The following ITGAD variants were observed in gnomAD, a reference collection of about 807,000 sequenced individuals.
The protein encoded by ITGAD is integrin subunit alpha D, also known as integrin alpha-D.
ITGAD carries 105 observed loss-of-function variants against 139.0 expected under a neutral mutation model. That is an observed-to-expected ratio of 0.76 (90% CI 0.65 to 0.89). The LOEUF is 0.89. ITGAD is among the 40% of genes least tolerant of loss of function. The probability of loss-of-function intolerance (pLI) is 0.00; values close to 1 mark genes in which losing one functional copy is unlikely to be tolerated. For synonymous variants in ITGAD, 569 were observed against 598.3 expected, an observed-to-expected ratio of 0.95 and a Z score of 0.71; for missense variants, 1,384 against 1,487.3, an observed-to-expected ratio of 0.93 and a Z score of 1.14.
chr16:31,414,065 A>G (rs1003700751), intron 16 of ITGAD, among the ~76,000 whole-genome samples: 1 of 152,054 alleles, frequency 6.6e-6, no homozygotes, highest in African/African-American at 2.4e-5. Context: ...TCTGTCATCT[A>G]TCTATTATCT....
chr16:31,400,342 T>G (rs1437387998), intron 5 of ITGAD, among the ~76,000 whole-genome samples: 1 of 152,030 alleles, frequency 6.6e-6, no homozygotes, highest in East Asian at 1.9e-4. Context: ...AAGGCATTTT[T>G]TTTTTCTGCA....
At position 31,411,379 on chromosome 16, in the gene ITGAD, C is replaced by T. The variant is rs375795035; in HGVS notation, c.1569C>T (p.Ala523=). ...QGHPWGRFGA[A]LTVLGDVNED... is the part of the protein sequence containing the mutation. ...ACCCCTGGGGCCGCTTTGGGGCAGC[C>T]CTGACAGTGTTGGGGGATGTGAATG... The change falls in exon 14 of 30, where the codon GCC becomes GCT. Residue 523 remains alanine (A), a synonymous_variant. Transcript: ENST00000389202. 9.9e-6 allele frequency: 16 copies of T among 1,613,972 alleles called. No individual in the cohort carries two copies. Among genetic ancestry groups the T allele is most frequent in the South Asian group, 2.2e-5 (2 of 91,074 alleles).
Position 31,407,751 on chromosome 16 carries a change from GTC to G in ITGAD, c.859-9_859-8del, listed in dbSNP as rs760109720. On this transcript the variant is annotated splice_polypyrimidine_tract_variant and intron_variant, in intron 8 of 29. Coordinates refer to ENST00000389202, the MANE Select transcript of ITGAD (RefSeq NM_005353.3). ...GCTGCTGGGCTCATCCTCCTCGGCT[GTC>G]TCTCTGCTGCAGGTGGGACACGCTT... is the stretch of plus-strand genomic sequence containing the variant. 19 of 1,613,824 alleles carry G rather than the reference GTC, an allele frequency of 1.2e-5. 1 individual carries two copies. In the South Asian group the frequency reaches 2.0e-4, roughly 17 times the overall value.
intron 23 of ITGAD, among the ~76,000 whole-genome samples, chr16:31,419,770 T>C (rs1296791540): frequency 1.4e-5 from 2 of 139,116 alleles, no homozygotes; most frequent in Non-Finnish European, 3.0e-5. Context: ...GAGATCGCGC[T>C]GCTGCATGCC....
At chr16:31,394,896 G>A (rs77363739) in intron 2 of ITGAD, among the ~76,000 whole-genome samples, 3,640 of 152,256 alleles carry the variant, frequency 0.024, 70 homozygotes, top group Non-Finnish European at 0.038. Context: ...GTCCAGACTG[G>A]CTGAACTCCT....
chr16:31,395,191 G>A (rs928861216), intron 2 of ITGAD, among the ~76,000 whole-genome samples: 14 of 152,110 alleles, frequency 9.2e-5, no homozygotes, highest in Non-Finnish European at 1.5e-4. Flanking sequence ...ATGGTGGCAG[G>A]CATCTGTAAT....
Position 31,411,212 on chromosome 16 carries a change from G to C in ITGAD, c.1493G>C (p.Arg498Thr), listed in dbSNP as rs1388070258. The C allele has an allele frequency of 6.2e-7, 1 of 1,613,140 alleles. No homozygotes were observed. Among genetic ancestry groups the C allele is most frequent in the South Asian group, 1.1e-5 (1 of 91,008 alleles). Reference protein sequence around the residue: ...GGQVSVCPLPRGRVQWQCDAV... With the variant: ...GGQVSVCPLPTGRVQWQCDAV... ...CAGGTGTCCGTGTGTCCCTTGCCTA[G>C]GGGGGTGAGTGGCTGATGGGACCTA... Residue 498 changes from arginine to threonine, a missense_variant, in exon 13 of 30, where the codon AGG (arginine) becomes ACG (threonine). Physicochemically the swap from Arg to Thr is moderately conservative, Grantham distance 71. Coordinates refer to ENST00000389202, the MANE Select transcript of ITGAD (RefSeq NM_005353.3).
In ITGAD at chr16:31,397,475, C is replaced by T. The variant is rs777876824; in HGVS notation, c.241+13C>T. The T allele has an allele frequency of 2.5e-6, 4 of 1,585,498 alleles. 1 individual carries two copies. The South Asian group carries it at 4.6e-5, about 18-fold the overall frequency. ...ATCCCGCTGCACAGTGAGTGACCAC[C>T]TGGGAATTGGGCCCCTCAACCCTCC... is the stretch of plus-strand genomic sequence containing the variant. On this transcript the variant is annotated intron_variant, in intron 3 of 29. Transcript: ENST00000389202.
intron 16 of ITGAD, among the ~76,000 whole-genome samples, chr16:31,413,493 A>G (rs2081794490): frequency 6.6e-6 from 1 of 152,042 alleles, no homozygotes; most frequent in South Asian, 2.1e-4. Context: ...CCAGCCCCTG[A>G]TTCCCTTCCA....
At position 31,410,461 on chromosome 16, in the gene ITGAD, A is replaced by G. The variant is rs776489449; in HGVS notation, c.1150A>G (p.Asn384Asp). The G allele has an allele frequency of 1.2e-6, 2 of 1,613,806 alleles. No individual in the cohort carries two copies. Among genetic ancestry groups the G allele is most frequent in the Non-Finnish European group, 1.7e-6 (2 of 1,179,950 alleles). Residue 384 changes from asparagine to aspartate, a missense_variant, in exon 11 of 30, where the codon AAT (asparagine) becomes GAT (aspartate). Transcript: ENST00000389202. ...TGGAGGTGCCTTCCTGTATCCCCCA[A>G]ATATGAGCCCCACCTTCATCAACAT... Reference protein sequence around the residue: ...WSGGAFLYPPNMSPTFINMSQ... With the variant: ...WSGGAFLYPPDMSPTFINMSQ...
At position 31,424,170 on chromosome 16, in the gene ITGAD, G is replaced by C; in HGVS notation, c.3228G>C (p.Gln1076His). 1 of 1,614,232 alleles carries C rather than the reference G, an allele frequency of 6.2e-7. No individual in the cohort carries two copies. The highest frequency in any genetic ancestry group is 1.1e-5 in the South Asian group (1 of 91,088). The change falls in exon 28 of 30, where the codon CAG (glutamine) becomes CAC (histidine). Residue 1076 changes from glutamine to histidine, a missense_variant. Physicochemically the swap from Gln to His is conservative, Grantham distance 24. Transcript: ENST00000389202. ...CGTTCGACACATCCGTGTACTCCCA[G>C]CTTCCAGGACAGGAGGCATTTATGA... The part of the protein sequence containing the change: ...EITFDTSVYS[Q>H]LPGQEAFMRA...
In ITGAD at chr16:31,411,155, C is replaced by G. The variant is rs766254726; in HGVS notation, c.1436C>G (p.Ala479Gly). 6.2e-7 allele frequency: 1 copy of G among 1,613,946 alleles called. No homozygotes were observed. Among genetic ancestry groups the G allele is most frequent in the Non-Finnish European group, 8.5e-7 (1 of 1,179,936 alleles). Residue 479 changes from alanine (A) to glycine (G), a missense_variant, in exon 13 of 30, where the codon GCC becomes GGC. Ala to Gly is a moderately conservative substitution (Grantham distance 60, BLOSUM62 0). Transcript: ENST00000389202. The stretch of plus-strand genomic sequence containing the variant: ...AGCACCGACCTGATCCTCATTGGGG[C>G]CCCCCATTACTATGAGCAGACCCGA... ...DGSTDLILIG[A>G]PHYYEQTRGG...
intron 4 of ITGAD, 40 bp downstream of exon 4, chr16:31,397,706 C>CCGG: frequency 6.7e-5 from 20 of 299,912 alleles, no homozygotes; most frequent in Non-Finnish European, 9.4e-5. Context: ...TGGGGTGGGG[C>CCGG]GGGGGGTGTT....
rs140839965 is a variant in ITGAD at position 31,410,795 on chromosome 16, C to T, written c.1273C>T (p.Arg425Cys). The T allele has an allele frequency of 4.0e-4, 640 of 1,613,812 alleles. 5 individuals carry two copies. Among genetic ancestry groups the T allele is most frequent in the African/African-American group, 2.6e-3 (195 of 74,980 alleles). The change falls in exon 12 of 30, where the codon CGC becomes TGC. Residue 425 changes from arginine to cysteine, a missense_variant. Arg to Cys is a radical substitution (Grantham distance 180, BLOSUM62 -3). Coordinates refer to ENST00000389202, the MANE Select transcript of ITGAD (RefSeq NM_005353.3). ...ACAGAACCTGGTCCTGGGGGCCCCC[C>T]GCTACCAGCATACCGGGAAGGCTGT... ...GVQNLVLGAPRYQHTGKAVIF... is the reference protein window; with the variant it reads ...GVQNLVLGAPCYQHTGKAVIF...
chr16:31,419,628 T>C (rs2081968546), intron 23 of ITGAD, among the ~76,000 whole-genome samples: 1 of 151,908 alleles, frequency 6.6e-6, no homozygotes, highest in Non-Finnish European at 1.5e-5. Flanking sequence ...CTGGCCAACA[T>C]GGCGAAACCT....
intron 14 of ITGAD, 125 bp from the exon 15 acceptor site, chr16:31,412,713 C>A: frequency 8.5e-7 from 1 of 1,177,400 alleles, no homozygotes; most frequent in Non-Finnish European, 1.2e-6. Flanking sequence ...TTGTTGGTGA[C>A]ATCTGTTCAC....
chr16:31,415,217 C>T (rs972311394), intron 18 of ITGAD, among the ~76,000 whole-genome samples: 2 of 152,026 alleles, frequency 1.3e-5, no homozygotes, highest in Non-Finnish European at 2.9e-5. Flanking sequence ...CCCAGCCCCT[C>T]GATTCTCTCC....
At chr16:31,412,989 T>C (rs1438534411) in intron 15 of ITGAD, 21 bp downstream of exon 15, 1 of 1,601,722 alleles carries the variant, frequency 6.2e-7, no homozygotes, top group South Asian at 1.1e-5. Flanking sequence ...CCCAACATCC[T>C]GCCCTCCCGC....
Position 31,416,083 on chromosome 16 carries a change from CT to C in ITGAD, c.2284-128del, listed in dbSNP as rs374494425. 1.1e-3 allele frequency: 694 copies of C among 634,954 alleles called. 4 individuals are homozygous for C. The highest frequency in any genetic ancestry group is 0.011 in the African/African-American group (588 of 55,514). 39.3% of individuals were successfully genotyped at this position (634,954 alleles called of 1,614,324 possible). ...CAACCTCCAAACCGCACCTGCGCCC[CT>C]TGTTGGTGTCCAGCAAAGTGCTGGG... On this transcript the variant is annotated intron_variant, in intron 18 of 29. Coordinates refer to ENST00000389202, the MANE Select transcript of ITGAD (RefSeq NM_005353.3).
Sources: gnomAD v4.1 joint callset for allele counts (sites outside exome capture counted in the v4.1 genomes callset) on GRCh38, gnomAD v4.1.1 for gene constraint, MANE v1.5 for transcripts, NCBI Gene and HGNC (gene_info 2026-07-23, HGNC 2026-07-21) for gene names.